Variants in CHCHD6 observed in about 807,000 individuals in gnomAD.
The protein encoded by CHCHD6 is MICOS complex subunit MIC25.
A neutral mutation model predicts 32.3 loss-of-function variants in CHCHD6; 28 were observed. The observed-to-expected ratio is 0.87, with a 90% CI of 0.64 to 1.19. CHCHD6 has a LOEUF of 1.19. CHCHD6 is among the 50% of genes most tolerant of loss of function. The probability of loss-of-function intolerance (pLI) is 0.00; values close to 1 mark genes in which losing one functional copy is unlikely to be tolerated. For missense variants in CHCHD6, 333 were observed against 307.0 expected (o/e 1.08, Z -0.63); for synonymous variants, 122 against 117.5 (o/e 1.04, Z -0.25).
At chr3:126,835,930 C>T (rs1940841045) in intron 4 of CHCHD6, among the ~76,000 whole-genome samples, 1 of 152,230 alleles carries the variant, frequency 6.6e-6, no homozygotes. Flanking sequence ...CTCCTTGCCA[C>T]CTTTCCGTAG....
At chr3:126,763,270 C>T (rs1559829280) in intron 4 of CHCHD6, among the ~76,000 whole-genome samples, 1 of 147,784 alleles carries the variant, frequency 6.8e-6, no homozygotes, top group African/African-American at 2.5e-5. Context: ...TCCTTCCCCT[C>T]CCCTCCCTTT....
At chr3:126,799,499 A>C (rs967972158) in intron 4 of CHCHD6, among the ~76,000 whole-genome samples, 21 of 152,200 alleles carry the variant, frequency 1.4e-4, no homozygotes, top group Non-Finnish European at 3.1e-4. Flanking sequence ...ATCTTTCTTT[A>C]GAAAACAAAC....
chr3:126,784,344 G>T (rs549329498), intron 4 of CHCHD6, among the ~76,000 whole-genome samples: 1 of 152,084 alleles, frequency 6.6e-6, no homozygotes, highest in Admixed American at 6.6e-5. Flanking sequence ...AAACTTCCCT[G>T]TTCTCAGCCC....
chr3:126,827,287 A>G (rs1940437192), intron 4 of CHCHD6, among the ~76,000 whole-genome samples: 1 of 152,226 alleles, frequency 6.6e-6, no homozygotes, highest in East Asian at 1.9e-4. Context: ...TTGCTGCAGT[A>G]TGAGGAGTGT....
At chr3:126,722,391 G>A (rs1935348750) in intron 1 of CHCHD6, among the ~76,000 whole-genome samples, 1 of 152,148 alleles carries the variant, frequency 6.6e-6, no homozygotes, top group South Asian at 2.1e-4. Flanking sequence ...TCAAACTCCT[G>A]GTCTCAAGTG....
intron 5 of CHCHD6, among the ~76,000 whole-genome samples, chr3:126,874,900 C>T (rs2077520565): frequency 6.6e-6 from 1 of 152,172 alleles, no homozygotes; most frequent in Non-Finnish European, 1.5e-5. Flanking sequence ...CCTGGCCCCA[C>T]CTCACATGCT....
At chr3:126,918,513 G>A (rs1332403876) in intron 6 of CHCHD6, among the ~76,000 whole-genome samples, 2 of 152,222 alleles carry the variant, frequency 1.3e-5, no homozygotes, top group South Asian at 2.1e-4. Context: ...ACAACAAGCA[G>A]TTACTCAATT....
At chr3:126,909,654 G>A (rs557636066) in intron 5 of CHCHD6, among the ~76,000 whole-genome samples, 1 of 152,332 alleles carries the variant, frequency 6.6e-6, no homozygotes, top group South Asian at 2.1e-4. Context: ...TGCATGTGGG[G>A]CAGCTGGAGG....
intron 4 of CHCHD6, among the ~76,000 whole-genome samples, chr3:126,817,034 A>AC (rs1384137720): frequency 6.6e-5 from 10 of 152,144 alleles, no homozygotes; most frequent in Non-Finnish European, 1.5e-4. Context: ...CCTACAAAGG[A>AC]CATGAACTCA....
intron 4 of CHCHD6, among the ~76,000 whole-genome samples, chr3:126,794,394 C>G (rs1015591697): frequency 1.1e-4 from 16 of 147,158 alleles, no homozygotes; most frequent in Non-Finnish European, 4.5e-5. Context: ...TCCAAACTAT[C>G]ATTTTTAAAA....
intron 6 of CHCHD6, among the ~76,000 whole-genome samples, chr3:126,925,314 G>T (rs552221195): frequency 1.8e-4 from 28 of 152,272 alleles, no homozygotes; most frequent in Admixed American, 1.5e-3. Flanking sequence ...GAAAGGAGAA[G>T]GCTGACCAGA....
chr3:126,776,749 G>C (rs1227423371), intron 4 of CHCHD6, among the ~76,000 whole-genome samples: 2 of 151,996 alleles, frequency 1.3e-5, no homozygotes, highest in Non-Finnish European at 2.9e-5. Flanking sequence ...TTTGAATTAG[G>C]GATACATTTT....
At chr3:126,810,557 A>G (rs1200708834) in intron 4 of CHCHD6, among the ~76,000 whole-genome samples, 1 of 152,238 alleles carries the variant, frequency 6.6e-6, no homozygotes, top group Non-Finnish European at 1.5e-5. Context: ...TGTGACACCT[A>G]GGATTGGGTA....
At chr3:126,879,368 T>C (rs2077578953) in intron 5 of CHCHD6, among the ~76,000 whole-genome samples, 1 of 152,204 alleles carries the variant, frequency 6.6e-6, no homozygotes, top group Non-Finnish European at 1.5e-5. Context: ...TGGAGCAGTC[T>C]AGTGGTCACC....
intron 5 of CHCHD6, among the ~76,000 whole-genome samples, chr3:126,856,871 C>G (rs1409894982): frequency 6.6e-6 from 1 of 152,146 alleles, no homozygotes; most frequent in Non-Finnish European, 1.5e-5. Flanking sequence ...ATGTAAGCAG[C>G]CTTGTGACCC....
rs548200056 is a variant in CHCHD6 at position 126,835,124 on chromosome 3, G to T, written c.412-17523G>T. On this transcript the variant is annotated intron_variant, in intron 4 of 7. Transcript: ENST00000290913. ...GGAACAGATTTCTGACCAGCCTCTG[G>T]GGCCCCTGAGGGGCCCCTGAGAGCT... is the stretch of plus-strand genomic sequence containing the variant. Among the ~76,000 whole-genome samples the T allele has an allele frequency of 1.3e-4, 20 of 152,198 alleles. No homozygotes were observed. The South Asian group carries it at 4.2e-3, about 32-fold the overall frequency.
chr3:126,879,213 A>G (rs902096865), intron 5 of CHCHD6, among the ~76,000 whole-genome samples: 1 of 152,218 alleles, frequency 6.6e-6, no homozygotes, highest in Admixed American at 6.5e-5. Context: ...TCAGAATTCC[A>G]TCCAAGATCC....
chr3:126,732,740 A>T lies in CHCHD6; in HGVS notation c.267-338A>T, dbSNP rs73199894. On this transcript the variant is annotated intron_variant, in intron 3 of 7. Transcript: ENST00000290913. ...GGACTACTACCATCTCAAATCTTCA[A>T]GCTCTCAAGTGGAGGCAATCCGTGG... 9.1e-3 allele frequency among the ~76,000 whole-genome samples: 1,391 copies of T among 152,362 alleles called. 11 individuals carry two copies. Among genetic ancestry groups the T allele is most frequent in the Middle Eastern group, 0.017 (5 of 294 alleles).
At position 126,830,053 on chromosome 3, in the gene CHCHD6, G is replaced by A. The variant is rs184931665; in HGVS notation, c.412-22594G>A. Among the ~76,000 whole-genome samples, 27 of 152,272 alleles carry A rather than the reference G, an allele frequency of 1.8e-4. 1 individual carries two copies. The highest frequency in any genetic ancestry group is 2.1e-4 in the South Asian group (1 of 4,818). On this transcript the variant is annotated intron_variant, in intron 4 of 7. Transcript: ENST00000290913. ...GCAGAGGTTGCAGTGAGCCGAGATC[G>A]CACCACTGCACTCCAGCTTGGGCCA...
Sources: allele counts gnomAD v4.1 joint callset (sites outside exome capture counted in the v4.1 genomes callset), GRCh38; gene constraint gnomAD v4.1.1; transcripts MANE v1.5; gene names NCBI Gene and HGNC (gene_info 2026-07-23, HGNC 2026-07-21).